Variants in PDE4D observed in about 807,000 individuals in gnomAD.
PDE4D encodes the protein 3',5'-cyclic-AMP phosphodiesterase 4D.
In PDE4D, 24 loss-of-function variants were observed where a neutral mutation model predicts 87.4. That is an observed-to-expected ratio of 0.27 (90% confidence interval 0.20 to 0.39). The LOEUF (loss-of-function observed/expected upper bound fraction) is 0.39, where lower values mean the gene tolerates loss of function less well. Ranked by LOEUF, PDE4D falls within the 10% of genes least tolerant of loss-of-function variation. The pLI is 1.00. For missense variants in PDE4D, 714 were observed against 1,041.0 expected (o/e 0.69, Z 4.32); for synonymous variants, 384 against 383.2 (o/e 1.00, Z -0.02).
At chr5:60,401,843 A>G (rs1034828590) in intron 1 of PDE4D, among the ~76,000 whole-genome samples, 11 of 152,230 alleles carry the variant, frequency 7.2e-5, no homozygotes, top group African/African-American at 2.7e-4. Context: ...GTCTAGCCCA[A>G]TAAACTGAAA....
chr5:59,151,957 AAG>A lies in PDE4D; in HGVS notation c.808+28636_808+28637del, dbSNP rs147776633. On this transcript the variant is annotated intron_variant, in intron 5 of 14. Coordinates refer to ENST00000340635, the MANE Select transcript of PDE4D (RefSeq NM_001104631.2). ...GCAGATATAAGGAAAGGAAAAAGGCAAGAGAATAGAGTAGAGAACATGTGAAA... is the reference window on the plus strand; with the variant it reads ...GCAGATATAAGGAAAGGAAAAAGGCAAGAATAGAGTAGAGAACATGTGAAA... Among the ~76,000 whole-genome samples, 331 of 152,268 alleles carry A rather than the reference AAG, an allele frequency of 2.2e-3. 7 individuals carry two copies. In the East Asian group the frequency reaches 0.058, roughly 26 times the overall value.
At chr5:59,155,294 T>A (rs749305991) in intron 5 of PDE4D, among the ~76,000 whole-genome samples, 1 of 152,122 alleles carries the variant, frequency 6.6e-6, no homozygotes, top group Non-Finnish European at 1.5e-5. Flanking sequence ...AAAAGAAGTA[T>A]TCAGAGCAGC....
intron 1 of PDE4D, among the ~76,000 whole-genome samples, chr5:59,364,518 T>C (rs566566259): frequency 3.9e-5 from 6 of 152,232 alleles, no homozygotes; most frequent in Non-Finnish European, 8.8e-5. Flanking sequence ...GACGTGTTTT[T>C]GTTTGATATA....
At chr5:59,913,014 T>C (rs545703224) in intron 3 of PDE4D, among the ~76,000 whole-genome samples, 14 of 152,174 alleles carry the variant, frequency 9.2e-5, no homozygotes, top group African/African-American at 3.1e-4. Context: ...AATACAAACA[T>C]TGGGGAAAAC....
chr5:59,926,062 A>G (rs1202110823), intron 3 of PDE4D, among the ~76,000 whole-genome samples: 2 of 152,160 alleles, frequency 1.3e-5, no homozygotes, highest in East Asian at 1.9e-4. Flanking sequence ...TGCAGAATAC[A>G]TATTTTTTTC....
chr5:59,071,501 C>T (rs1019835244), intron 5 of PDE4D, among the ~76,000 whole-genome samples: 1 of 148,138 alleles, frequency 6.8e-6, no homozygotes, highest in Non-Finnish European at 1.5e-5. Flanking sequence ...CTTATTCTAT[C>T]ATGTTTTTAC....
At chr5:59,828,724 T>C (rs1770622462) in intron 1 of PDE4D, among the ~76,000 whole-genome samples, 1 of 152,096 alleles carries the variant, frequency 6.6e-6, no homozygotes, top group African/African-American at 2.4e-5. Context: ...TCCTGTTATA[T>C]ACAACTGAGG....
At chr5:59,403,183 A>C (rs76899560) in intron 1 of PDE4D, among the ~76,000 whole-genome samples, 1 of 141,202 alleles carries the variant, frequency 7.1e-6, no homozygotes, top group Non-Finnish European at 1.6e-5. Context: ...ACAGATAGAT[A>C]GATAGATTGA....
chr5:59,188,014 C>T (rs1268100877), intron 3 of PDE4D, among the ~76,000 whole-genome samples: 1 of 152,014 alleles, frequency 6.6e-6, no homozygotes, highest in Non-Finnish European at 1.5e-5. Context: ...AAAGAGGGAG[C>T]ATCTGTTACT....
chr5:60,130,099 G>A (rs541247386), intron 2 of PDE4D, among the ~76,000 whole-genome samples: 5 of 152,138 alleles, frequency 3.3e-5, no homozygotes, highest in Non-Finnish European at 7.3e-5. Context: ...CAGAAAGTGG[G>A]CCCTCATCAG....
At chr5:59,316,667 C>T (rs889231) in intron 1 of PDE4D, among the ~76,000 whole-genome samples, 50,492 of 152,040 alleles carry the variant, frequency 0.33, 8,705 homozygotes, top group Admixed American at 0.39. Flanking sequence ...AACTTACCCA[C>T]AGACACAGCT....
At chr5:59,626,210 T>C (rs1490864855) in intron 1 of PDE4D, among the ~76,000 whole-genome samples, 1 of 152,226 alleles carries the variant, frequency 6.6e-6, no homozygotes, top group African/African-American at 2.4e-5. Context: ...AAGTATTTAA[T>C]GAAATGAGGT....
intron 1 of PDE4D, among the ~76,000 whole-genome samples, chr5:59,500,819 G>A (rs145015828): frequency 1.4e-4 from 21 of 152,192 alleles, no homozygotes; most frequent in African/African-American, 2.4e-4. Flanking sequence ...ACTGGCCATT[G>A]TATCATTTCT....
At chr5:59,007,368 A>C (rs1751833360) in intron 6 of PDE4D, among the ~76,000 whole-genome samples, 1 of 152,154 alleles carries the variant, frequency 6.6e-6, no homozygotes, top group Non-Finnish European at 1.5e-5. Flanking sequence ...ATGCAAATCT[A>C]ATTTTTAAAT....
chr5:60,082,061 G>A (rs1011675759), intron 2 of PDE4D, among the ~76,000 whole-genome samples: 1 of 152,004 alleles, frequency 6.6e-6, no homozygotes, highest in South Asian at 2.1e-4. Flanking sequence ...ACACAAAGTG[G>A]TTTACTTCCC....
intron 1 of PDE4D, among the ~76,000 whole-genome samples, chr5:59,817,481 G>T (rs540495628): frequency 1.3e-5 from 2 of 152,254 alleles, no homozygotes; most frequent in South Asian, 4.1e-4. Flanking sequence ...CACCACTATG[G>T]ACTGTATTGC....
chr5:59,248,819 T>C (rs1055973345), intron 1 of PDE4D, among the ~76,000 whole-genome samples: 2 of 152,128 alleles, frequency 1.3e-5, no homozygotes, highest in Admixed American at 1.3e-4. Context: ...CTGAGACGTA[T>C]AGTGGGAAAA....
chr5:60,068,180 C>T (rs575014849), intron 2 of PDE4D, among the ~76,000 whole-genome samples: 2 of 152,288 alleles, frequency 1.3e-5, no homozygotes, highest in Admixed American at 6.5e-5. Context: ...TGCATTTCCA[C>T]CAACAGTGTG....
intron 1 of PDE4D, among the ~76,000 whole-genome samples, chr5:59,761,258 G>A (rs1761932330): frequency 6.6e-6 from 1 of 152,032 alleles, no homozygotes; most frequent in Non-Finnish European, 1.5e-5. Context: ...AGTTGCTCTG[G>A]GTGACTCAGT....
Sources: allele counts gnomAD v4.1 joint callset (sites outside exome capture counted in the v4.1 genomes callset), GRCh38; gene constraint gnomAD v4.1.1; transcripts MANE v1.5; gene names NCBI Gene and HGNC (gene_info 2026-07-23, HGNC 2026-07-21).